LMTK2: variants seen among roughly 807,000 people sequenced by gnomAD.
LMTK2 encodes the protein lemur tail kinase 2, also known as serine/threonine-protein kinase LMTK2.
Under a neutral mutation model 127.5 loss-of-function variants are expected in LMTK2, and 37 were observed. The observed-to-expected ratio is 0.29, with a 90% CI of 0.22 to 0.38. The LOEUF is 0.38. Ranked by LOEUF, LMTK2 falls within the 10% of genes least tolerant of loss-of-function variation. The probability of loss-of-function intolerance (pLI) is 1.00; values close to 1 mark genes in which losing one functional copy is unlikely to be tolerated. For synonymous variants in LMTK2, 819 were observed against 810.1 expected, an observed-to-expected ratio of 1.01 and a Z score of -0.19; for missense variants, 1,694 against 1,920.3, an observed-to-expected ratio of 0.88 and a Z score of 2.20.
intron 6 of LMTK2, 134 bp downstream of exon 6, chr7:98,159,559 T>G (rs1287117996): frequency 4.5e-6 from 3 of 667,978 alleles, no homozygotes; most frequent in Admixed American, 5.6e-5. Context: ...ATGAGTTACT[T>G]TTATTCCCTT....
intron 7 of LMTK2, among the ~76,000 whole-genome samples, chr7:98,176,772 G>A (rs575648991): frequency 3.9e-5 from 6 of 152,212 alleles, no homozygotes; most frequent in Middle Eastern, 6.8e-3. Context: ...GCTTGAACCC[G>A]GGAGGCAGAG....
chr7:98,194,678 C>A lies in LMTK2; in HGVS notation c.4107+106C>A. Reference sequence around the variant, plus strand: ...TTTTCTAGTTGCCATTTTGAGGCAGCAGATTGTGATTACTCACAAAAAGTA... The same window carrying A: ...TTTTCTAGTTGCCATTTTGAGGCAGAAGATTGTGATTACTCACAAAAAGTA... On this transcript the variant is annotated intron_variant, in intron 11 of 13. Transcript: ENST00000297293. This position sits in a 1 kb window ranked among gnomAD's most constrained non-coding sequence, Gnocchi z 5.4. The A allele has an allele frequency of 2.8e-6, 3 of 1,055,438 alleles. No homozygotes were observed. Among genetic ancestry groups the A allele is most frequent in the Non-Finnish European group, 2.7e-6 (2 of 749,284 alleles). The allele number at this position is 1,055,438 out of a possible 1,614,324, so 65.4% of individuals were successfully genotyped here. A position where few individuals can be genotyped will look rare whatever the true frequency, so the allele number is the denominator to read the frequency against.
At chr7:98,200,332 A>G (rs752677973) in intron 11 of LMTK2, among the ~76,000 whole-genome samples, 1 of 152,190 alleles carries the variant, frequency 6.6e-6, no homozygotes, top group Non-Finnish European at 1.5e-5. Flanking sequence ...GTCATCAAAC[A>G]CATTCTAAGA....
At chr7:98,138,694 CA>C (rs1489218290) in intron 2 of LMTK2, among the ~76,000 whole-genome samples, 1 of 152,188 alleles carries the variant, frequency 6.6e-6, no homozygotes, top group Admixed American at 6.5e-5. Flanking sequence ...GAAACCTGGC[CA>C]TTTCAGGACA....
chr7:98,136,373 G>A (rs1796596047), intron 1 of LMTK2, among the ~76,000 whole-genome samples: 1 of 152,204 alleles, frequency 6.6e-6, no homozygotes, highest in East Asian at 1.9e-4. Flanking sequence ...AGTAGTAATT[G>A]CTGTAGGCAA....
chr7:98,147,123 A>T (rs1796785675), intron 3 of LMTK2, among the ~76,000 whole-genome samples: 1 of 152,026 alleles, frequency 6.6e-6, no homozygotes, highest in African/African-American at 2.4e-5. Flanking sequence ...CTTATTGAGG[A>T]TCCCTTGTAC....
chr7:98,199,590 G>A (rs1352358681), intron 11 of LMTK2, among the ~76,000 whole-genome samples: 1 of 152,166 alleles, frequency 6.6e-6, no homozygotes, highest in Non-Finnish European at 1.5e-5. Context: ...GAGCTCCTGG[G>A]CTCAAGCAGT....
intron 6 of LMTK2, among the ~76,000 whole-genome samples, chr7:98,164,521 G>A (rs932716061): frequency 3.9e-5 from 6 of 152,198 alleles, no homozygotes; most frequent in African/African-American, 1.4e-4. Flanking sequence ...TAAGATGATG[G>A]ATGAGATTAC....
intron 5 of LMTK2, among the ~76,000 whole-genome samples, chr7:98,158,813 C>G (rs1457426112): frequency 6.6e-6 from 1 of 152,104 alleles, no homozygotes; most frequent in Non-Finnish European, 1.5e-5. Context: ...ACCAGTCTCC[C>G]GCAGGTACTA....
intron 3 of LMTK2, among the ~76,000 whole-genome samples, chr7:98,144,426 C>CTT (rs1171346404): frequency 6.7e-6 from 1 of 149,430 alleles, no homozygotes; most frequent in Non-Finnish European, 1.5e-5. Flanking sequence ...AAGCGAGACT[C>CTT]TGTCTCAAAA....
chr7:98,172,103 C>G (rs1468898358), intron 7 of LMTK2, among the ~76,000 whole-genome samples: 1 of 152,164 alleles, frequency 6.6e-6, no homozygotes, highest in Non-Finnish European at 1.5e-5. Flanking sequence ...TCTGTTTGCA[C>G]AAGGTCATAG....
intron 2 of LMTK2, among the ~76,000 whole-genome samples, chr7:98,138,894 A>G (rs1318125723): frequency 6.6e-6 from 1 of 152,194 alleles, no homozygotes; most frequent in African/African-American, 2.4e-5. Flanking sequence ...CAGGGGCCGC[A>G]GTGTCTTAGA....
In LMTK2 at chr7:98,171,693, G is replaced by A. The variant is rs770009417; in HGVS notation, c.791+19G>A. On this transcript the variant is annotated intron_variant, in intron 7 of 13. Transcript: ENST00000297293. This position sits in a 1 kb window ranked among gnomAD's most constrained non-coding sequence, Gnocchi z 5.1. ...TGCACAGGTGGGTACCTGCGTCAGC[G>A]GTGCACGCCCCACACAGCACCGGCG... 43 of 1,551,172 alleles carry A rather than the reference G, an allele frequency of 2.8e-5. No individual in the cohort carries two copies. The highest frequency in any genetic ancestry group is 2.7e-4 in the East Asian group (12 of 44,436).
At chr7:98,183,531 G>T (rs1367680317) in intron 7 of LMTK2, among the ~76,000 whole-genome samples, 3 of 152,106 alleles carry the variant, frequency 2.0e-5, no homozygotes, top group Non-Finnish European at 4.4e-5. Flanking sequence ...GGGATTACAG[G>T]CATGCACCAC....
chr7:98,192,294 G>A lies in LMTK2; in HGVS notation c.1829G>A (p.Ser610Asn). The A allele has an allele frequency of 1.9e-6, 3 of 1,543,912 alleles. No homozygotes were observed. Among genetic ancestry groups the A allele is most frequent in the Admixed American group, 2.2e-5 (1 of 46,436 alleles). ...ACAGATGAGGACTTCTTCCAAAGCA[G>A]TACAGACCCCAAAGACTCTAGCTTA... is the stretch of plus-strand genomic sequence containing the variant. Reference protein sequence around the residue: ...SSTDEDFFQSSTDPKDSSLPG... With the variant: ...SSTDEDFFQSNTDPKDSSLPG... Residue 610 changes from serine to asparagine, a missense_variant, in exon 11 of 14, where the codon AGT becomes AAT. This residue lies in a region of LMTK2 where 527 missense variants were observed against 539.8 expected (regional missense o/e 0.98). Transcript: ENST00000297293.
intron 7 of LMTK2, among the ~76,000 whole-genome samples, chr7:98,179,131 AT>A (rs1205433526): frequency 6.6e-6 from 1 of 152,162 alleles, no homozygotes; most frequent in East Asian, 1.9e-4. Context: ...GAGTTTTATA[AT>A]GAGAGCCAAG....
chr7:98,206,109 C>T lies in LMTK2; in HGVS notation c.*617C>T, dbSNP rs938575324. On this transcript the variant is annotated 3_prime_UTR_variant, in exon 14 of 14. Coordinates refer to ENST00000297293, the MANE Select transcript of LMTK2 (RefSeq NM_014916.4). The stretch of plus-strand genomic sequence containing the variant: ...GTTTTATAGTTTGCGCTGCATGGTA[C>T]TTGTGAAGCTTAAATATTTTGAGTG... The T allele has an allele frequency of 4.6e-5, 7 of 153,002 alleles. No homozygotes were observed. Among genetic ancestry groups the T allele is most frequent in the African/African-American group, 1.4e-4 (6 of 41,440 alleles). The allele number at this position is 153,002 out of a possible 1,614,324, so 9.5% of individuals were successfully genotyped here.
rs528812508 is a variant in LMTK2 at position 98,106,970 on chromosome 7, C to T, written c.-208C>T. 3 of 459,642 alleles carry T rather than the reference C, an allele frequency of 6.5e-6. No homozygotes were observed. The highest frequency in any genetic ancestry group is 7.5e-5 in the South Asian group (2 of 26,650). 28.5% of individuals were successfully genotyped at this position (459,642 alleles called of 1,614,324 possible). On this transcript the variant is annotated 5_prime_UTR_variant, in exon 1 of 14. Transcript: ENST00000297293. ...TGAGAGGCGGCGGCGGCGGCGCAGG[C>T]GGGCGGGAAGGATGGTGTTTCTGCG...
chr7:98,153,503 C>T (rs1796886081), intron 4 of LMTK2, among the ~76,000 whole-genome samples: 1 of 152,098 alleles, frequency 6.6e-6, no homozygotes, highest in Non-Finnish European at 1.5e-5. Context: ...GATGGTACAT[C>T]CTTGCGTGGA....
Sources: gnomAD v4.1 joint callset for allele counts (sites outside exome capture counted in the v4.1 genomes callset) on GRCh38, gnomAD v4.1.1 for gene constraint, gnomAD v4.1.1 regional missense constraint, Gnocchi (gnomAD v3.1) non-coding constraint, MANE v1.5 for transcripts, NCBI Gene and HGNC (gene_info 2026-07-23, HGNC 2026-07-21) for gene names.